The following NREP variants were observed in gnomAD, a reference collection of about 807,000 sequenced individuals.
The protein encoded by NREP is neuronal regeneration related protein.
A neutral mutation model predicts 8.6 loss-of-function variants in NREP; 5 were observed. The observed-to-expected ratio is 0.58, with a 90% CI of 0.30 to 1.22. The LOEUF (loss-of-function observed/expected upper bound fraction) is 1.22, where lower values mean the gene tolerates loss of function less well. Among genes scored for constraint, NREP ranks in the 50% most tolerant of loss-of-function variants. The probability of loss-of-function intolerance (pLI) is 0.07; values close to 1 mark genes in which losing one functional copy is unlikely to be tolerated. For missense variants in NREP, 86 were observed against 82.5 expected (o/e 1.04, Z -0.17); for synonymous variants, 27 against 28.0 (o/e 0.96, Z 0.11).
intron 2 of NREP, among the ~76,000 whole-genome samples, chr5:111,822,120 T>C (rs941012723): frequency 6.6e-6 from 1 of 152,174 alleles, no homozygotes; most frequent in Non-Finnish European, 1.5e-5. Flanking sequence ...GACCAGCTCA[T>C]TTCAGACCAA....
intron 2 of NREP, among the ~76,000 whole-genome samples, chr5:111,806,230 C>T (rs1233645042): frequency 6.6e-6 from 1 of 152,066 alleles, no homozygotes; most frequent in African/African-American, 2.4e-5. Context: ...CCTCTTGCCC[C>T]CTTGGGTCAA....
intron 1 of NREP, 191 bp from the exon 2 acceptor site, chr5:111,756,021 AG>A: frequency 7.3e-7 from 1 of 1,364,398 alleles, no homozygotes; most frequent in East Asian, 2.8e-5. Context: ...TAAGGGACAA[AG>A]GAATCCCTGG....
At chr5:111,739,783 G>A (rs1012229568) in intron 2 of NREP, 6 of 151,954 alleles carry the variant, frequency 3.9e-5, no homozygotes, top group African/African-American at 1.5e-4. Flanking sequence ...AGCGTTCTGG[G>A]TATGGGAATA....
At chr5:111,950,995 A>T (rs1403843742) in intron 2 of NREP, among the ~76,000 whole-genome samples, 1 of 152,090 alleles carries the variant, frequency 6.6e-6, no homozygotes, top group Non-Finnish European at 1.5e-5. Flanking sequence ...TCTCTGCCAT[A>T]GGTTAACACT....
At chr5:111,971,027 G>A (rs1756801988) in intron 2 of NREP, among the ~76,000 whole-genome samples, 1 of 151,932 alleles carries the variant, frequency 6.6e-6, no homozygotes, top group Non-Finnish European at 1.5e-5. Context: ...ATGTTGACAG[G>A]GAGAAACCAT....
intron 2 of NREP, among the ~76,000 whole-genome samples, chr5:111,829,607 A>C (rs569155311): frequency 1.3e-5 from 2 of 152,162 alleles, no homozygotes; most frequent in East Asian, 1.9e-4. Context: ...TCCTCCATCA[A>C]ATTTCTTTCT....
chr5:111,734,726 C>CTGTT, intron 3 of NREP: 1 of 700,642 alleles, frequency 1.4e-6, no homozygotes, highest in East Asian at 2.7e-5. Flanking sequence ...TCAGTGGATT[C>CTGTT]TGTTTTTCTT....
chr5:111,824,024 C>T (rs1310187390), intron 2 of NREP, among the ~76,000 whole-genome samples: 1 of 152,118 alleles, frequency 6.6e-6, no homozygotes, highest in Non-Finnish European at 1.5e-5. Flanking sequence ...ACTGATTTTT[C>T]TAGAAATTCT....
intron 2 of NREP, among the ~76,000 whole-genome samples, chr5:111,937,273 A>G (rs1287697428): frequency 6.6e-6 from 1 of 152,126 alleles, no homozygotes; most frequent in Non-Finnish European, 1.5e-5. Context: ...CCTAGAGTCC[A>G]GGGGTCATAA....
intron 2 of NREP, among the ~76,000 whole-genome samples, chr5:111,856,010 GTTAACT>G (rs1753418909): frequency 2.6e-5 from 4 of 152,162 alleles, no homozygotes; most frequent in Admixed American, 2.6e-4. Flanking sequence ...GCCAGCTTTG[GTTAACT>G]TGCTGGGCAC....
intron 2 of NREP, among the ~76,000 whole-genome samples, chr5:111,934,466 A>C (rs1561354732): frequency 6.6e-6 from 1 of 152,080 alleles, no homozygotes; most frequent in Non-Finnish European, 1.5e-5. Context: ...AAAAGATAGT[A>C]ATTAAAATAA....
At chr5:111,792,126 G>A (rs1751763187) in intron 2 of NREP, among the ~76,000 whole-genome samples, 1 of 152,148 alleles carries the variant, frequency 6.6e-6, no homozygotes, top group South Asian at 2.1e-4. Context: ...ATTAGAATAT[G>A]TATATTTTGA....
At chr5:111,782,037 A>G (rs1751506000) in intron 2 of NREP, among the ~76,000 whole-genome samples, 1 of 152,238 alleles carries the variant, frequency 6.6e-6, no homozygotes, top group Non-Finnish European at 1.5e-5. Context: ...AAATGTATGT[A>G]AAGTGTTTAG....
intron 2 of NREP, among the ~76,000 whole-genome samples, chr5:111,791,427 T>C (rs974058337): frequency 2.0e-5 from 3 of 152,198 alleles, no homozygotes; most frequent in Non-Finnish European, 4.4e-5. Context: ...TCTGATTTTT[T>C]TTTAGATTTT....
At chr5:111,773,086 G>T (rs1189805542) in intron 2 of NREP, among the ~76,000 whole-genome samples, 2 of 151,996 alleles carry the variant, frequency 1.3e-5, no homozygotes, top group African/African-American at 4.8e-5. Context: ...ACAGACAATA[G>T]ATTGTGCAAG....
chr5:111,953,178 T>A (rs763991164), intron 2 of NREP, among the ~76,000 whole-genome samples: 9 of 152,108 alleles, frequency 5.9e-5, no homozygotes, highest in Non-Finnish European at 1.3e-4. Context: ...TTCAACCAAT[T>A]TCCTTCAACC....
At chr5:111,965,594 C>A (rs776504714) in intron 2 of NREP, among the ~76,000 whole-genome samples, 2 of 152,166 alleles carry the variant, frequency 1.3e-5, no homozygotes, top group Non-Finnish European at 2.9e-5. Context: ...TCCCACCCAT[C>A]TCCCCTATCT....
chr5:111,842,891 A>T (rs1007825575), intron 2 of NREP, among the ~76,000 whole-genome samples: 3 of 152,188 alleles, frequency 2.0e-5, no homozygotes, highest in African/African-American at 7.2e-5. Context: ...ACGATATATT[A>T]TTCCACTCTT....
intron 2 of NREP, among the ~76,000 whole-genome samples, chr5:111,903,797 T>A (rs566729911): frequency 6.6e-6 from 1 of 152,260 alleles, no homozygotes; most frequent in South Asian, 2.1e-4. Context: ...CTTCTCTAGA[T>A]TTTCCAGCCA....
Sources: allele counts gnomAD v4.1 joint callset (sites outside exome capture counted in the v4.1 genomes callset), GRCh38; gene constraint gnomAD v4.1.1; transcripts MANE v1.5; gene names NCBI Gene and HGNC (gene_info 2026-07-23, HGNC 2026-07-21).